RILPL1: variants seen among roughly 807,000 people sequenced by gnomAD.
RILPL1 encodes Rab interacting lysosomal protein like 1, also known as RILP-like protein 1.
A neutral mutation model predicts 50.3 loss-of-function variants in RILPL1; 33 were observed. The ratio of observed to expected loss-of-function variants is 0.66; its 90% CI spans 0.50 to 0.88. RILPL1 has a LOEUF of 0.88. RILPL1 is among the 40% of genes least tolerant of loss of function. The pLI is 0.00. For synonymous variants in RILPL1, 205 were observed against 228.6 expected (o/e 0.90, Z 0.93); for missense variants, 418 against 542.5 (o/e 0.77, Z 2.28).
intron 1 of RILPL1, among the ~76,000 whole-genome samples, chr12:123,526,609 G>A (rs968257484): frequency 6.6e-6 from 1 of 152,206 alleles, no homozygotes; most frequent in Non-Finnish European, 1.5e-5. Flanking sequence ...CATCACAAGC[G>A]GCCAGGTGGC....
chr12:123,530,975 G>A (rs1593613107), intron 1 of RILPL1, among the ~76,000 whole-genome samples: 1 of 150,742 alleles, frequency 6.6e-6, no homozygotes, highest in Non-Finnish European at 1.5e-5. Flanking sequence ...CATAATTGCT[G>A]AAAGCGAGAG....
At position 123,491,798 on chromosome 12, in the gene RILPL1, A is replaced by G. The variant is rs926590517; in HGVS notation, c.802-5993T>C. The stretch of plus-strand genomic sequence containing the variant: ...AGCAGGCGGATCATTTGAGGTCAAG[A>G]GTTCGAGATCAGCCTGGGCAACATG... On this transcript the variant is annotated intron_variant, in intron 4 of 6. Transcript: ENST00000376874. The surrounding 1 kb of genome is among the most constrained non-coding windows in gnomAD (Gnocchi z 4.0). Among the ~76,000 whole-genome samples, 8 of 152,224 alleles carry G rather than the reference A, an allele frequency of 5.3e-5. No homozygotes were observed. Among genetic ancestry groups the G allele is most frequent in the Admixed American group, 4.6e-4 (7 of 15,276 alleles).
At position 123,533,558 on chromosome 12, in the gene RILPL1, G is replaced by A. The variant is rs980077086; in HGVS notation, c.-76C>T. The A allele has an allele frequency of 9.5e-5, 124 of 1,301,654 alleles. No homozygotes were observed. Among genetic ancestry groups the A allele is most frequent in the Non-Finnish European group, 1.2e-4 (120 of 1,001,904 alleles). 80.6% of individuals were successfully genotyped at this position (1,301,654 alleles called of 1,614,324 possible). A position where few individuals can be genotyped will look rare whatever the true frequency, so the allele number is the denominator to read the frequency against. On this transcript the variant is annotated 5_prime_UTR_variant, in exon 1 of 7. Coordinates refer to ENST00000376874, the MANE Select transcript of RILPL1 (RefSeq NM_178314.5). This position sits in a 1 kb window ranked among gnomAD's most constrained non-coding sequence, Gnocchi z 6.2. ...ACTTGCCGCTGTCGAGGGCCGGGCC[G>A]GCCGGGCCCAGCCTGGGCCGCGGGC...
rs554149326 is a variant in RILPL1, at chr12:123,520,247, G to C, written c.460+3248C>G. ...GCAGTATGGCCATAGAACGGAATAT[G>C]ATTCAGACAATTCGGACATGAAAAG... On this transcript the variant is annotated intron_variant, in intron 2 of 6. Transcript: ENST00000376874. 2.0e-5 allele frequency among the ~76,000 whole-genome samples: 3 copies of C among 152,340 alleles called. 1 individual carries two copies. The East Asian group carries it at 5.8e-4, about 29-fold the overall frequency.
At chr12:123,512,619 TGTC>T (rs1473579692) in intron 2 of RILPL1, among the ~76,000 whole-genome samples, 15 of 145,194 alleles carry the variant, frequency 1.0e-4, no homozygotes, top group African/African-American at 3.4e-4. Context: ...GTGAGGTCTG[TGTC>T]TGTGTGTCGT....
intron 1 of RILPL1, among the ~76,000 whole-genome samples, chr12:123,531,702 C>T (rs1352703590): frequency 2.6e-5 from 4 of 152,172 alleles, no homozygotes; most frequent in African/African-American, 7.2e-5. Context: ...TATATTAACT[C>T]TTTAAACCTC....
At chr12:123,510,903 GTA>G (rs1359224225) in intron 2 of RILPL1, among the ~76,000 whole-genome samples, 7 of 141,092 alleles carry the variant, frequency 5.0e-5, no homozygotes, top group African/African-American at 5.3e-5. Context: ...GTGTGTGTGT[GTA>G]TTGTGTGAGG....
intron 2 of RILPL1, among the ~76,000 whole-genome samples, chr12:123,507,519 G>T (rs1056041375): frequency 7.5e-6 from 1 of 132,838 alleles, no homozygotes; most frequent in Non-Finnish European, 1.6e-5. Flanking sequence ...GAGCTATGTC[G>T]TGCCACTGGA....
At chr12:123,477,407 C>T (rs1881673986) in intron 6 of RILPL1, among the ~76,000 whole-genome samples, 2 of 144,356 alleles carry the variant, frequency 1.4e-5, no homozygotes, top group Admixed American at 1.4e-4. Flanking sequence ...GGCACAATCT[C>T]TGCTCACTGC....
At position 123,533,055 on chromosome 12, in the gene RILPL1, C is replaced by G; in HGVS notation, c.309+119G>C. 1 of 1,109,546 alleles carries G rather than the reference C, an allele frequency of 9.0e-7. No individual in the cohort carries two copies. The highest frequency in any genetic ancestry group is 1.2e-6 in the Non-Finnish European group (1 of 804,930). The allele number at this position is 1,109,546 out of a possible 1,614,324, so 68.7% of individuals were successfully genotyped here. A position where few individuals can be genotyped will look rare whatever the true frequency, so the allele number is the denominator to read the frequency against. ...GCCTCCCTCCCTCCCCACGTCGGGTCTCCTCTGGTCCGGTCCCTGAACACA... is the reference window on the plus strand; with the variant it reads ...GCCTCCCTCCCTCCCCACGTCGGGTGTCCTCTGGTCCGGTCCCTGAACACA... On this transcript the variant is annotated intron_variant, in intron 1 of 6. Coordinates refer to ENST00000376874, the MANE Select transcript of RILPL1 (RefSeq NM_178314.5). The surrounding 1 kb of genome is among the most constrained non-coding windows in gnomAD (Gnocchi z 6.2).
rs1882566297 is a variant in RILPL1 at position 123,489,751 on chromosome 12, T to G, written c.802-3946A>C. Among the ~76,000 whole-genome samples, 1 of 152,086 alleles carries G rather than the reference T, an allele frequency of 6.6e-6. No homozygotes were observed. Among genetic ancestry groups the G allele is most frequent in the Non-Finnish European group, 1.5e-5 (1 of 67,980 alleles). ...AGATGTTAATCAGATGTGGTCTCTA[T>G]GCATGGGGTCTTGACGAATATGTAG... is the stretch of plus-strand genomic sequence containing the variant. On this transcript the variant is annotated intron_variant, in intron 4 of 6. Coordinates refer to ENST00000376874, the MANE Select transcript of RILPL1 (RefSeq NM_178314.5). This position sits in a 1 kb window ranked among gnomAD's most constrained non-coding sequence, Gnocchi z 4.0.
chr12:123,509,132 G>A (rs935941423), intron 2 of RILPL1, among the ~76,000 whole-genome samples: 3 of 142,574 alleles, frequency 2.1e-5, no homozygotes, highest in Admixed American at 7.0e-5. Flanking sequence ...GTGAGACTCC[G>A]TCTCAAAACA....
In RILPL1 at chr12:123,498,428, G is replaced by A; in HGVS notation, c.801+116C>T. On this transcript the variant is annotated intron_variant, in intron 4 of 6. Coordinates refer to ENST00000376874, the MANE Select transcript of RILPL1 (RefSeq NM_178314.5). The surrounding 1 kb of genome is among the most constrained non-coding windows in gnomAD (Gnocchi z 4.3). ...TAGAGAATTGGGGTCTTGCTATGTTGCCCAGGTTGGCCATTTTCTGAAGTA... is the reference window on the plus strand; with the variant it reads ...TAGAGAATTGGGGTCTTGCTATGTTACCCAGGTTGGCCATTTTCTGAAGTA... 1 of 845,542 alleles carries A rather than the reference G, an allele frequency of 1.2e-6. No homozygotes were observed. Among genetic ancestry groups the A allele is most frequent in the Non-Finnish European group, 1.9e-6 (1 of 530,210 alleles). 52.4% of individuals were successfully genotyped at this position (845,542 alleles called of 1,614,324 possible). A position where few individuals can be genotyped will look rare whatever the true frequency, so the allele number is the denominator to read the frequency against.
chr12:123,517,713 C>A (rs915911127), intron 2 of RILPL1, among the ~76,000 whole-genome samples: 1 of 152,156 alleles, frequency 6.6e-6, no homozygotes, highest in African/African-American at 2.4e-5. Context: ...TGAGCCACCG[C>A]GCTTCTGAGA....
chr12:123,518,368 G>T (rs1362466623), intron 2 of RILPL1: 1 of 422,610 alleles, frequency 2.4e-6, no homozygotes, highest in Non-Finnish European at 4.7e-6. Context: ...TTAGCCAGGC[G>T]TGGTGGTGCA....
intron 4 of RILPL1, among the ~76,000 whole-genome samples, chr12:123,487,045 C>T (rs1229613607): frequency 2.0e-5 from 3 of 152,068 alleles, no homozygotes; most frequent in Non-Finnish European, 4.4e-5. Context: ...GTGATCCACC[C>T]GCCTTTGCCT....
intron 6 of RILPL1, among the ~76,000 whole-genome samples, chr12:123,481,163 C>A (rs1482533646): frequency 6.6e-6 from 1 of 152,094 alleles, no homozygotes. Flanking sequence ...TAGAGACCAG[C>A]CTGGCCAACA....
intron 6 of RILPL1, among the ~76,000 whole-genome samples, chr12:123,480,664 G>A (rs535175864): frequency 3.7e-4 from 56 of 151,976 alleles, no homozygotes; most frequent in Non-Finnish European, 7.2e-4. Context: ...GAGTGGGGCT[G>A]GCGAGTGAGT....
In RILPL1 at chr12:123,471,591, G is replaced by A. The variant is rs1881192978; in HGVS notation, c.*947C>T. 6.6e-6 allele frequency: 1 copy of A among 152,204 alleles called. No individual in the cohort carries two copies. The highest frequency in any genetic ancestry group is 6.6e-5 in the Admixed American group (1 of 15,248). 9.4% of individuals were successfully genotyped at this position (152,204 alleles called of 1,614,324 possible). ...GCTCTCTGTCTGCTGCTATAGCCCT[G>A]TGAGTCAGCCAGACGTGTGGTCCCC... On this transcript the variant is annotated 3_prime_UTR_variant, in exon 7 of 7. Coordinates refer to ENST00000376874, the MANE Select transcript of RILPL1 (RefSeq NM_178314.5).
Sources: gnomAD v4.1 joint callset for allele counts (sites outside exome capture counted in the v4.1 genomes callset) on GRCh38, gnomAD v4.1.1 for gene constraint, Gnocchi (gnomAD v3.1) non-coding constraint, MANE v1.5 for transcripts, NCBI Gene and HGNC (gene_info 2026-07-23, HGNC 2026-07-21) for gene names.